FAM151A: variants seen among roughly 807,000 people sequenced by gnomAD.
The protein encoded by FAM151A is family with sequence similarity 151 member A.
A neutral mutation model predicts 40.4 loss-of-function variants in FAM151A; 41 were observed. The observed-to-expected ratio is 1.01, with a 90% CI of 0.79 to 1.32. The LOEUF is 1.32. Among genes scored for constraint, FAM151A ranks in the 40% most tolerant of loss-of-function variants. The probability of loss-of-function intolerance (pLI) is 0.00; values close to 1 mark genes in which losing one functional copy is unlikely to be tolerated. For synonymous variants in FAM151A, 337 were observed against 312.5 expected, an observed-to-expected ratio of 1.08 and a Z score of -0.83; for missense variants, 740 against 740.4, an observed-to-expected ratio of 1.00 and a Z score of 0.01.
intron 2 of FAM151A, among the ~76,000 whole-genome samples, chr1:54,618,844 CTTT>C (rs1173467456): frequency 6.6e-6 from 1 of 151,798 alleles, no homozygotes; most frequent in Admixed American, 6.6e-5. Context: ...GTTATTTGAT[CTTT>C]TTTTGCCTGT....
chr1:54,622,383 A>G (rs1180372142), intron 1 of FAM151A, among the ~76,000 whole-genome samples: 2 of 151,898 alleles, frequency 1.3e-5, no homozygotes, highest in Non-Finnish European at 2.9e-5. Context: ...GATCAAGACC[A>G]TCCTGGCCAA....
chr1:54,623,471 T>C lies in FAM151A; in HGVS notation c.-76A>G, dbSNP rs934091662. On this transcript the variant is annotated 5_prime_UTR_variant, in exon 1 of 8. Coordinates refer to ENST00000302250, the MANE Select transcript of FAM151A (RefSeq NM_176782.3). ...GAGGCTCCCTGCAGCTGGAATCCTG[T>C]GGGAGGCAGGAGCTCCCAGCAGCAC... 18 of 1,138,222 alleles carry C rather than the reference T, an allele frequency of 1.6e-5. No individual in the cohort carries two copies. The highest frequency in any genetic ancestry group is 5.4e-5 in the Admixed American group (3 of 55,538). 70.5% of individuals were successfully genotyped at this position (1,138,222 alleles called of 1,614,324 possible).
chr1:54,609,994 G>A, intron 7 of FAM151A, 53 bp from the exon 8 acceptor site: 2 of 1,548,420 alleles, frequency 1.3e-6, no homozygotes, highest in South Asian at 1.2e-5. Flanking sequence ...ATCATAAGGT[G>A]TTAAGAGTCC....
intron 1 of FAM151A, 143 bp downstream of exon 1, chr1:54,623,135 C>CA: frequency 3.3e-6 from 2 of 602,680 alleles, no homozygotes; most frequent in Non-Finnish European, 5.8e-6. Flanking sequence ...GAGAATCGTG[C>CA]CATTGTACTC....
rs754486068 is a variant in FAM151A at position 54,612,741 on chromosome 1, G to A, written c.576-31C>T. 19 of 1,567,734 alleles carry A rather than the reference G, an allele frequency of 1.2e-5. No homozygotes were observed. The South Asian group carries it at 1.3e-4, about 11-fold the overall frequency. ...AAAAAATCAGAGATGTTGGTCTCAC[G>A]GAGCTGCAGCGGCCCCTTCCTCTCC... On this transcript the variant is annotated intron_variant, in intron 4 of 7. Transcript: ENST00000302250.
Position 54,612,706 on chromosome 1 carries a change from G to A in FAM151A, c.580C>T (p.Leu194=). 6.2e-7 allele frequency: 1 copy of A among 1,612,782 alleles called. No individual in the cohort carries two copies. Among genetic ancestry groups the A allele is most frequent in the Non-Finnish European group, 8.5e-7 (1 of 1,179,344 alleles). The part of the protein sequence containing the change: ...ISTEVNATQF[L]ALVQEKYPKA... ...GGATACTTCTCCTGGACCAGGGCCA[G>A]GAACCTGCAAAAAAATCAGAGATGT... Residue 194 remains leucine (L), a synonymous_variant, in exon 5 of 8, where the codon CTG becomes TTG. Coordinates refer to ENST00000302250, the MANE Select transcript of FAM151A (RefSeq NM_176782.3).
intron 6 of FAM151A, chr1:54,610,866 G>C (rs1644110433): frequency 1.0e-6 from 1 of 985,276 alleles, no homozygotes; most frequent in African/African-American, 1.7e-5. Flanking sequence ...GGGCCTCTTT[G>C]AGATGGCTTA....
chr1:54,618,896 G>C (rs1644201246), intron 2 of FAM151A, among the ~76,000 whole-genome samples: 1 of 152,064 alleles, frequency 6.6e-6, no homozygotes, highest in Non-Finnish European at 1.5e-5. Context: ...AATATCCCTG[G>C]TTAGGCATTC....
intron 7 of FAM151A, 151 bp from the exon 8 acceptor site, chr1:54,610,092 T>TG: frequency 7.0e-7 from 1 of 1,434,904 alleles, no homozygotes; most frequent in Non-Finnish European, 9.1e-7. Flanking sequence ...TCCAGGTGGA[T>TG]GGGTTGCTTT....
intron 1 of FAM151A, among the ~76,000 whole-genome samples, chr1:54,622,762 TTTCTGCTGGGGA>T (rs1194630739): frequency 1.4e-5 from 2 of 147,584 alleles, no homozygotes; most frequent in African/African-American, 5.0e-5. Context: ...TTAACGGGAC[TTTCTGCTGGGGA>T]AGTCAACGGG....
Position 54,611,648 on chromosome 1 carries a change from C to T in FAM151A, c.898G>A (p.Asp300Asn). The T allele has an allele frequency of 1.2e-6, 2 of 1,614,092 alleles. No homozygotes were observed. The highest frequency in any genetic ancestry group is 1.7e-6 in the Non-Finnish European group (2 of 1,179,994). Residue 300 changes from aspartate to asparagine, a missense_variant, in exon 6 of 8, where the codon GAC (aspartate) becomes AAC (asparagine). Transcript: ENST00000302250. ...TGTGACAGGAGAGGCTCAAAGATGT[C>T]ATAGTAGACTTGGTGGACAGCAGTG... ...DNTAVHQVYY[D>N]IFEPLLSQFK...
chr1:54,617,426 G>A (rs967498919), intron 2 of FAM151A, among the ~76,000 whole-genome samples: 3 of 147,848 alleles, frequency 2.0e-5, no homozygotes, highest in Non-Finnish European at 4.4e-5. Context: ...CAAAGTGAGT[G>A]TCCTAAATAT....
rs1644107975 is a variant in FAM151A, at chr1:54,610,622, G to T, written c.941-67C>A. On this transcript the variant is annotated intron_variant, in intron 6 of 7. Coordinates refer to ENST00000302250, the MANE Select transcript of FAM151A (RefSeq NM_176782.3). ...ACAGAACACCTTACCTGGTTGCTAG[G>T]GTCCCATAGGCCACAGCTCTACGGG... is the stretch of plus-strand genomic sequence containing the variant. The T allele has an allele frequency of 1.9e-6, 3 of 1,569,000 alleles. No individual in the cohort carries two copies. In the Admixed American group the frequency reaches 5.3e-5, roughly 28 times the overall value.
intron 7 of FAM151A, 140 bp downstream of exon 7, chr1:54,610,272 A>G (rs1250387824): frequency 2.7e-6 from 4 of 1,497,176 alleles, no homozygotes; most frequent in African/African-American, 1.4e-5. Flanking sequence ...CCTCCCCGCA[A>G]CCCTGCCCCA....
At chr1:54,620,709 C>T (rs190261542) in intron 1 of FAM151A, among the ~76,000 whole-genome samples, 3 of 150,538 alleles carry the variant, frequency 2.0e-5, no homozygotes, top group South Asian at 2.1e-4. Flanking sequence ...GCGGGATGGA[C>T]GTGGTGGCAG....
In FAM151A at chr1:54,609,929, A is replaced by G; in HGVS notation, c.1097T>C (p.Met366Thr). Residue 366 changes from methionine (M) to threonine (T), a missense_variant, in exon 8 of 8, where the codon ATG (methionine) becomes ACG (threonine). Coordinates refer to ENST00000302250, the MANE Select transcript of FAM151A (RefSeq NM_176782.3). The part of the protein sequence containing the change: ...ATMTLPDTEG[M>T]ILLNTGLEGT... ...CTCGAGGCCAGTGTTCAGCAGGATC[A>G]TGCCTTCTGTGTCTGGAAGAGGCGG... 1 of 1,605,222 alleles carries G rather than the reference A, an allele frequency of 6.2e-7. No individual in the cohort carries two copies. Among genetic ancestry groups the G allele is most frequent in the Non-Finnish European group, 8.5e-7 (1 of 1,178,558 alleles).
In FAM151A at chr1:54,611,604, A is replaced by G. The variant is rs1644118968; in HGVS notation, c.940+2T>C. 6.2e-7 allele frequency: 1 copy of G among 1,613,054 alleles called. No homozygotes were observed. Among genetic ancestry groups the G allele is most frequent in the Non-Finnish European group, 8.5e-7 (1 of 1,179,620 alleles). The stretch of plus-strand genomic sequence containing the variant: ...ACCACCCTTCCCAATTCCTCTCCTT[A>G]CAGGCCAGCTGCTTGAACTGTGACA... On this transcript the variant is annotated splice_donor_variant, in intron 6 of 7. Transcript: ENST00000302250. LOFTEE classifies it high-confidence loss of function.
intron 3 of FAM151A, 107 bp from the exon 4 acceptor site, chr1:54,614,966 A>G: frequency 6.4e-5 from 39 of 612,810 alleles, no homozygotes; most frequent in Non-Finnish European, 9.3e-5. Context: ...ATGTGCGTGC[A>G]CAGTGGAGTC....
Position 54,609,376 on chromosome 1 carries a change from A to G in FAM151A, c.1650T>C (p.Ser550=). The change falls in exon 8 of 8, where the codon TCT becomes TCC. Residue 550 remains serine (S), a synonymous_variant. Coordinates refer to ENST00000302250, the MANE Select transcript of FAM151A (RefSeq NM_176782.3). ...EHNPAGGDYA[S]VRTALLAARA... is the part of the protein sequence containing the mutation. ...TAGCTGCCAGCAATGCTGTCCTCACAGAGGCATAGTCGCCCCCAGCTGGGT... is the reference window on the plus strand; with the variant it reads ...TAGCTGCCAGCAATGCTGTCCTCACGGAGGCATAGTCGCCCCCAGCTGGGT... 6.2e-7 allele frequency: 1 copy of G among 1,614,146 alleles called. No homozygotes were observed. The highest frequency in any genetic ancestry group is 8.5e-7 in the Non-Finnish European group (1 of 1,180,014).
Sources: allele counts gnomAD v4.1 joint callset (sites outside exome capture counted in the v4.1 genomes callset), GRCh38; gene constraint gnomAD v4.1.1; transcripts MANE v1.5; gene names NCBI Gene and HGNC (gene_info 2026-07-23, HGNC 2026-07-21).